Variants in TAF15 observed in about 807,000 individuals in gnomAD.
TAF15 encodes the protein TATA-box binding protein associated factor 15, also known as TATA-binding protein-associated factor 2N.
A neutral mutation model predicts 102.5 loss-of-function variants in TAF15; 37 were observed. The observed-to-expected ratio is 0.36, with a 90% CI of 0.28 to 0.47. The LOEUF (loss-of-function observed/expected upper bound fraction) is 0.47. Ranked by LOEUF, TAF15 falls within the 20% of genes least tolerant of loss-of-function variation. The pLI is 0.99. For synonymous variants in TAF15, 273 were observed against 259.2 expected (o/e 1.05, Z -0.51); for missense variants, 652 against 760.7 (o/e 0.86, Z 1.68).
chr17:35,823,168 A>G (rs1448341634), intron 6 of TAF15, among the ~76,000 whole-genome samples: 1 of 152,184 alleles, frequency 6.6e-6, no homozygotes, highest in Non-Finnish European at 1.5e-5. Context: ...TTTAAGGCCT[A>G]GTACATGGTT....
At chr17:35,836,871 G>A (rs1260856194) in intron 10 of TAF15, among the ~76,000 whole-genome samples, 1 of 151,656 alleles carries the variant, frequency 6.6e-6, no homozygotes, top group Non-Finnish European at 1.5e-5. Context: ...TCTGCCTTCC[G>A]GGTTCAAGTG....
chr17:35,819,944 TTGA>T, intron 2 of TAF15, 77 bp from the exon 3 acceptor site: 1 of 1,273,536 alleles, frequency 7.9e-7, no homozygotes, highest in South Asian at 1.3e-5. Flanking sequence ...GAGTTGAAAG[TTGA>T]AAATGAAGGC....
At chr17:35,814,867 T>TGG (rs2087176335) in intron 1 of TAF15, among the ~76,000 whole-genome samples, 1 of 150,196 alleles carries the variant, frequency 6.7e-6, no homozygotes, top group African/African-American at 2.5e-5. Context: ...AAAAAAAGTG[T>TGG]GTGTGTATAT....
intron 1 of TAF15, among the ~76,000 whole-genome samples, chr17:35,815,552 C>A (rs2087185144): frequency 6.6e-6 from 1 of 152,080 alleles, no homozygotes; most frequent in Admixed American, 6.6e-5. Context: ...GGTTACAGGA[C>A]CTATGTGCTG....
At chr17:35,813,453 A>C (rs750515967) in intron 1 of TAF15, among the ~76,000 whole-genome samples, 16 of 152,050 alleles carry the variant, frequency 1.1e-4, no homozygotes, top group Non-Finnish European at 2.9e-5. Context: ...GGGCAACGTG[A>C]TGAAACTCCC....
intron 12 of TAF15, among the ~76,000 whole-genome samples, chr17:35,843,533 G>A (rs1475866776): frequency 6.6e-6 from 1 of 152,066 alleles, no homozygotes; most frequent in Non-Finnish European, 1.5e-5. Context: ...TGGAGTTTTT[G>A]TCTTCTCACC....
intron 6 of TAF15, chr17:35,823,769 G>C: frequency 3.0e-6 from 1 of 335,786 alleles, no homozygotes; most frequent in Non-Finnish European, 5.6e-6. Context: ...TAAGGTTCTT[G>C]TAGCTAAGAT....
At chr17:35,824,360 AG>A in intron 7 of TAF15, 162 bp downstream of exon 7, 1 of 949,876 alleles carries the variant, frequency 1.1e-6, no homozygotes, top group Admixed American at 2.8e-5. Flanking sequence ...GTGTATTTTC[AG>A]TCTTAATATC....
At chr17:35,830,808 A>C (rs1249574903) in intron 7 of TAF15, among the ~76,000 whole-genome samples, 2 of 152,324 alleles carry the variant, frequency 1.3e-5, no homozygotes, top group Admixed American at 6.5e-5. Flanking sequence ...GTTCTTATTC[A>C]GTAGGTCTAG....
In TAF15 at chr17:35,844,130, A is replaced by C; in HGVS notation, c.1060A>C (p.Lys354Gln). The C allele has an allele frequency of 6.2e-7, 1 of 1,613,882 alleles. No homozygotes were observed. The highest frequency in any genetic ancestry group is 8.5e-7 in the Non-Finnish European group (1 of 1,179,942). ...GGFQGRGGDP[K>Q]SGDWVCPNPS... Reference sequence around the variant, plus strand: ...CTTTCAAGGGAGAGGTGGAGACCCCAAAAGTGGGGATTGGGTTTGCCCTAA... The same window carrying C: ...CTTTCAAGGGAGAGGTGGAGACCCCCAAAGTGGGGATTGGGTTTGCCCTAA... The change falls in exon 13 of 16, where the codon AAA (lysine) becomes CAA (glutamine). Residue 354 changes from lysine (K) to glutamine (Q), a missense_variant. This residue lies in a region of TAF15 where 368 missense variants were observed against 367.5 expected (regional missense o/e 1.00). Coordinates refer to ENST00000605844, the MANE Select transcript of TAF15 (RefSeq NM_139215.3).
intron 1 of TAF15, chr17:35,816,903 G>A (rs988861631): frequency 2.3e-5 from 3 of 131,192 alleles, no homozygotes; most frequent in Non-Finnish European, 4.6e-5. Flanking sequence ...GCTCACTGCA[G>A]CCTTGACCGC....
At chr17:35,813,894 TA>T (rs2087158235) in intron 1 of TAF15, among the ~76,000 whole-genome samples, 1 of 152,156 alleles carries the variant, frequency 6.6e-6, no homozygotes, top group African/African-American at 2.4e-5. Flanking sequence ...AATAACAGAC[TA>T]ATTAAATATT....
intron 7 of TAF15, among the ~76,000 whole-genome samples, chr17:35,827,653 T>G (rs929370347): frequency 2.6e-5 from 4 of 151,430 alleles, no homozygotes; most frequent in African/African-American, 9.7e-5. Context: ...TGCAGTGAGC[T>G]GAGATCACAC....
At chr17:35,813,316 A>T (rs538232600) in intron 1 of TAF15, among the ~76,000 whole-genome samples, 30 of 152,168 alleles carry the variant, frequency 2.0e-4, no homozygotes, top group Admixed American at 1.7e-3. Flanking sequence ...ATCTTCCAGC[A>T]TTCAATTCAG....
chr17:35,831,778 T>C (rs970571853), intron 7 of TAF15, among the ~76,000 whole-genome samples: 2 of 152,044 alleles, frequency 1.3e-5, no homozygotes, highest in African/African-American at 4.8e-5. Context: ...TTATCACTTT[T>C]TGGAGTTAAA....
chr17:35,838,016 C>CT (rs777321381), intron 10 of TAF15, among the ~76,000 whole-genome samples: 1 of 146,080 alleles, frequency 6.8e-6, no homozygotes, highest in Non-Finnish European at 1.5e-5. Context: ...AGCAAGACCC[C>CT]ATCTCTACAA....
rs374293879 is a variant in TAF15 at position 35,838,412 on chromosome 17, G to C, written c.784-12G>C. On this transcript the variant is annotated splice_polypyrimidine_tract_variant and intron_variant, in intron 10 of 15. Coordinates refer to ENST00000605844, the MANE Select transcript of TAF15 (RefSeq NM_139215.3). ...AAAAATGCTAACACCAAGTGTTTCT[G>C]TTTTTCCTCAGACAAATAAGAAGAC... 5 of 1,613,860 alleles carry C rather than the reference G, an allele frequency of 3.1e-6. No homozygotes were observed. Among genetic ancestry groups the C allele is most frequent in the Non-Finnish European group, 4.2e-6 (5 of 1,180,016 alleles).
At chr17:35,835,213 T>G (rs1232261907) in intron 9 of TAF15, among the ~76,000 whole-genome samples, 1 of 152,200 alleles carries the variant, frequency 6.6e-6, no homozygotes, top group Non-Finnish European at 1.5e-5. Context: ...CAAATCAGAT[T>G]AATGAAAGAA....
chr17:35,810,382 T>A (rs2087111272), intron 1 of TAF15: 1 of 152,434 alleles, frequency 6.6e-6, no homozygotes, highest in African/African-American at 2.4e-5. Context: ...AGGCCACCCA[T>A]TGTGTGGAAG....
Sources: allele counts gnomAD v4.1 joint callset (sites outside exome capture counted in the v4.1 genomes callset), GRCh38; gene constraint gnomAD v4.1.1; regional missense constraint gnomAD v4.1.1; transcripts MANE v1.5; gene names NCBI Gene and HGNC (gene_info 2026-07-23, HGNC 2026-07-21).